The following TANC2 variants were observed in gnomAD, a reference collection of about 807,000 sequenced individuals.
TANC2 encodes protein TANC2.
A neutral mutation model predicts 210.5 loss-of-function variants in TANC2; 26 were observed. That is an observed-to-expected ratio of 0.12 (90% confidence interval 0.09 to 0.17). The LOEUF (loss-of-function observed/expected upper bound fraction) is 0.17. Ranked by LOEUF, TANC2 falls within the 10% of genes least tolerant of loss-of-function variation. The pLI is 1.00. For missense variants in TANC2, 2,129 were observed against 2,608.9 expected (o/e 0.82, Z 4.01); for synonymous variants, 931 against 967.1 (o/e 0.96, Z 0.69).
chr17:63,213,262 A>G (rs2041937761), intron 7 of TANC2, among the ~76,000 whole-genome samples: 1 of 152,230 alleles, frequency 6.6e-6, no homozygotes, highest in Non-Finnish European at 1.5e-5. Flanking sequence ...ATCTTAGCCA[A>G]CTGTGACATG....
chr17:63,261,182 T>G (rs958509993), intron 8 of TANC2, among the ~76,000 whole-genome samples: 12 of 152,052 alleles, frequency 7.9e-5, no homozygotes, highest in African/African-American at 2.9e-4. Flanking sequence ...AGATTGAGAC[T>G]GCAGTGGGCT....
intron 4 of TANC2, among the ~76,000 whole-genome samples, chr17:63,140,791 A>T (rs1266944795): frequency 6.6e-6 from 1 of 152,180 alleles, no homozygotes; most frequent in East Asian, 1.9e-4. Context: ...TTTGTTGCCC[A>T]GGCTGTGTGT....
At chr17:63,373,993 T>C (rs1175643732) in intron 14 of TANC2, among the ~76,000 whole-genome samples, 4 of 105,686 alleles carry the variant, frequency 3.8e-5, no homozygotes, top group African/African-American at 1.1e-4. Context: ...AAAATAATTA[T>C]TATTATTATT....
intron 2 of TANC2, among the ~76,000 whole-genome samples, chr17:63,029,146 CAG>C (rs2034667939): frequency 6.6e-6 from 1 of 151,964 alleles, no homozygotes; most frequent in South Asian, 2.1e-4. Flanking sequence ...GTACTTTAAC[CAG>C]AGTTATCCTC....
intron 1 of TANC2, among the ~76,000 whole-genome samples, chr17:62,970,118 A>G (rs971819836): frequency 1.3e-5 from 2 of 152,168 alleles, no homozygotes; most frequent in African/African-American, 2.4e-5. Context: ...CTCTTAGCCA[A>G]ATTGCTTCTG....
At chr17:63,005,786 G>C (rs1233859329) in intron 1 of TANC2, among the ~76,000 whole-genome samples, 1 of 151,920 alleles carries the variant, frequency 6.6e-6, no homozygotes, top group Non-Finnish European at 1.5e-5. Flanking sequence ...AATGTGTGGG[G>C]AAGTATTTCC....
chr17:62,968,811 T>C (rs1274960778), intron 1 of TANC2, among the ~76,000 whole-genome samples: 1 of 152,234 alleles, frequency 6.6e-6, no homozygotes, highest in African/African-American at 2.4e-5. Flanking sequence ...TAATCAGGCC[T>C]CAGATTTGGT....
Position 63,232,604 on chromosome 17 carries a change from A to C in TANC2, c.770-5210A>C, listed in dbSNP as rs1361704135. ...GTGTCACCAGTGGAGGCTGCAGAAC[A>C]GCAAAGATGGCTGCCTGCTTCTTCC... On this transcript the variant is annotated intron_variant, in intron 7 of 27. Coordinates refer to ENST00000689528, the Ensembl canonical transcript of TANC2. Among the ~76,000 whole-genome samples the C allele has an allele frequency of 2.6e-5, 4 of 152,234 alleles. No individual in the cohort carries two copies. In the East Asian group the frequency reaches 7.7e-4, roughly 29 times the overall value.
In TANC2 at chr17:63,351,706, G is replaced by A. The variant is rs561447402; in HGVS notation, c.1974+290G>A. ...TCTAGACTGTTCTGAGGACAGCAGT[G>A]TAAAGATGATCTCTAACACTTTGAC... is the stretch of plus-strand genomic sequence containing the variant. On this transcript the variant is annotated intron_variant, in intron 13 of 27. Transcript: ENST00000689528. Among the ~76,000 whole-genome samples, 4 of 152,254 alleles carry A rather than the reference G, an allele frequency of 2.6e-5. No individual in the cohort carries two copies. The South Asian group carries it at 6.2e-4, about 24-fold the overall frequency.
chr17:63,224,692 C>G (rs2042284864), intron 7 of TANC2, among the ~76,000 whole-genome samples: 1 of 152,204 alleles, frequency 6.6e-6, no homozygotes, highest in African/African-American at 2.4e-5. Flanking sequence ...CACCTTCAGG[C>G]TTTTCAAAGA....
At chr17:63,184,580 T>C (rs2040908751) in intron 5 of TANC2, among the ~76,000 whole-genome samples, 1 of 152,160 alleles carries the variant, frequency 6.6e-6, no homozygotes, top group Non-Finnish European at 1.5e-5. Flanking sequence ...ATACCCACTG[T>C]TCTGACTGCC....
At chr17:63,348,834 G>A (rs1371421785) in intron 12 of TANC2, among the ~76,000 whole-genome samples, 1 of 152,012 alleles carries the variant, frequency 6.6e-6, no homozygotes, top group Non-Finnish European at 1.5e-5. Context: ...TAGGCTGGTT[G>A]CATTTCAAAG....
At chr17:63,347,805 C>T (rs1041214725) in intron 12 of TANC2, among the ~76,000 whole-genome samples, 1 of 152,154 alleles carries the variant, frequency 6.6e-6, no homozygotes, top group Non-Finnish European at 1.5e-5. Flanking sequence ...GACAGGGTCT[C>T]ACTTTGTCAC....
chr17:62,992,517 T>C (rs956374262), intron 1 of TANC2, among the ~76,000 whole-genome samples: 6 of 152,250 alleles, frequency 3.9e-5, no homozygotes, highest in Admixed American at 6.5e-5. Context: ...TTAAATGATA[T>C]GGAATAACTT....
At chr17:63,154,148 C>G (rs2039755506) in intron 5 of TANC2, 1 of 152,044 alleles carries the variant, frequency 6.6e-6, no homozygotes, top group Non-Finnish European at 1.5e-5. Flanking sequence ...TGGAGATAAT[C>G]GATGGTGTTA....
chr17:63,205,047 T>C (rs992268865), intron 7 of TANC2, among the ~76,000 whole-genome samples: 8 of 152,094 alleles, frequency 5.3e-5, no homozygotes, highest in African/African-American at 1.9e-4. Context: ...ATCAAGCCAC[T>C]GCACTCTAGC....
intron 12 of TANC2, among the ~76,000 whole-genome samples, chr17:63,346,790 G>A (rs369187257): frequency 3.9e-5 from 6 of 152,100 alleles, no homozygotes; most frequent in East Asian, 3.9e-4. Flanking sequence ...CTACAGCCTC[G>A]ACCCCCTCGG....
intron 5 of TANC2, among the ~76,000 whole-genome samples, chr17:63,186,886 C>G (rs1396231122): frequency 6.6e-6 from 1 of 152,198 alleles, no homozygotes; most frequent in East Asian, 1.9e-4. Context: ...ATCACAGTCT[C>G]ACAGAGATTG....
At chr17:62,992,050 A>G (rs961926166) in intron 1 of TANC2, among the ~76,000 whole-genome samples, 1 of 152,232 alleles carries the variant, frequency 6.6e-6, no homozygotes, top group African/African-American at 2.4e-5. Context: ...CATAGCATTT[A>G]CATTATTAGG....
Sources: allele counts gnomAD v4.1 joint callset (sites outside exome capture counted in the v4.1 genomes callset), GRCh38; gene constraint gnomAD v4.1.1; transcripts MANE v1.5; gene names NCBI Gene and HGNC (gene_info 2026-07-23, HGNC 2026-07-21).